Variants in FNDC3B observed in about 807,000 individuals in gnomAD.
The protein encoded by FNDC3B is fibronectin type III domain-containing protein 3B.
FNDC3B carries 12 observed loss-of-function variants against 151.5 expected under a neutral mutation model. That is an observed-to-expected ratio of 0.08 (90% CI 0.05 to 0.13). The LOEUF (loss-of-function observed/expected upper bound fraction) is 0.13. FNDC3B is among the 10% of genes least tolerant of loss of function. The probability of loss-of-function intolerance (pLI) is 1.00; values close to 1 mark genes in which losing one functional copy is unlikely to be tolerated. For synonymous variants in FNDC3B, 528 were observed against 549.0 expected (o/e 0.96, Z 0.54); for missense variants, 1,214 against 1,505.3 (o/e 0.81, Z 3.20).
intron 10 of FNDC3B, 26 bp from the exon 11 acceptor site, chr3:172,310,802 T>TTTTGTCTGTG: frequency 6.3e-7 from 1 of 1,576,144 alleles, no homozygotes. Context: ...CAACTTTCTC[T>TTTTGTCTGTG]AATCTCATGT....
intron 2 of FNDC3B, among the ~76,000 whole-genome samples, chr3:172,131,357 C>T (rs1721090324): frequency 6.6e-6 from 1 of 150,758 alleles, no homozygotes; most frequent in South Asian, 2.1e-4. Context: ...CGCGCCATTG[C>T]ACTCCATCCT....
rs528152021 is a variant in FNDC3B at position 172,335,349 on chromosome 3, T to C, written c.1780+267T>C. The stretch of plus-strand genomic sequence containing the variant: ...TTTTAAGAGTATCTCATTTACTCTA[T>C]GATTTTCCTGTTTACATATTTTTTT... On this transcript the variant is annotated intron_variant, in intron 15 of 25. Coordinates refer to ENST00000415807, the MANE Select transcript of FNDC3B (RefSeq NM_022763.4). 18 of 281,366 alleles carry C rather than the reference T, an allele frequency of 6.4e-5. No individual in the cohort carries two copies. In the East Asian group the frequency reaches 1.0e-3, roughly 16 times the overall value. 17.4% of individuals were successfully genotyped at this position (281,366 alleles called of 1,614,324 possible).
intron 3 of FNDC3B, among the ~76,000 whole-genome samples, chr3:172,168,264 G>C (rs911771533): frequency 6.6e-6 from 1 of 152,172 alleles, no homozygotes; most frequent in Non-Finnish European, 1.5e-5. Flanking sequence ...TGTAAGCCTG[G>C]TGGTCACATA....
chr3:172,281,873 C>G (rs745810013), intron 6 of FNDC3B, among the ~76,000 whole-genome samples: 2 of 151,724 alleles, frequency 1.3e-5, no homozygotes, highest in Non-Finnish European at 2.9e-5. Context: ...TTCTTTCCTT[C>G]ACAATATGGG....
intron 1 of FNDC3B, among the ~76,000 whole-genome samples, chr3:172,073,221 G>T (rs1357275969): frequency 6.6e-6 from 1 of 152,112 alleles, no homozygotes; most frequent in Non-Finnish European, 1.5e-5. Flanking sequence ...TTAAACACTG[G>T]GCCTGGAACT....
intron 21 of FNDC3B, among the ~76,000 whole-genome samples, chr3:172,347,844 G>A (rs1733685000): frequency 1.3e-5 from 2 of 152,212 alleles, no homozygotes; most frequent in South Asian, 4.1e-4. Context: ...TCCCAGTGAC[G>A]GTTATCAAGG....
intron 2 of FNDC3B, among the ~76,000 whole-genome samples, chr3:172,130,116 C>T (rs974758751): frequency 6.6e-6 from 1 of 152,072 alleles, no homozygotes; most frequent in Non-Finnish European, 1.5e-5. Context: ...GACCTTTTGC[C>T]GCCAGCTCAT....
rs1477841667 is a variant in FNDC3B at position 172,357,569 on chromosome 3, G to A, written c.2795+4486G>A. ...CATTAGTCCAATGTCACCTTTCACT[G>A]GAATTAGGAAATTATTTTCCCATAC... On this transcript the variant is annotated intron_variant, in intron 22 of 25. Coordinates refer to ENST00000415807, the MANE Select transcript of FNDC3B (RefSeq NM_022763.4). Among the ~76,000 whole-genome samples, 6 of 152,234 alleles carry A rather than the reference G, an allele frequency of 3.9e-5. No individual in the cohort carries two copies. In the East Asian group the frequency reaches 1.2e-3, roughly 29 times the overall value.
intron 3 of FNDC3B, among the ~76,000 whole-genome samples, chr3:172,211,006 T>C (rs997938322): frequency 6.6e-6 from 1 of 152,256 alleles, no homozygotes; most frequent in African/African-American, 2.4e-5. Context: ...AATGCTTTAC[T>C]ACTCTGCTGT....
chr3:172,047,084 T>C (rs778440466), intron 1 of FNDC3B: 1 of 152,162 alleles, frequency 6.6e-6, no homozygotes, highest in Non-Finnish European at 1.5e-5. Context: ...CTGGAAAGAG[T>C]AGTAAAGATT....
chr3:172,089,325 A>G (rs1336827753), intron 1 of FNDC3B, among the ~76,000 whole-genome samples: 2 of 152,150 alleles, frequency 1.3e-5, no homozygotes, highest in Non-Finnish European at 2.9e-5. Flanking sequence ...GGGGCAGGAT[A>G]TTTTACCATA....
chr3:172,202,492 C>A (rs1725208016), intron 3 of FNDC3B, among the ~76,000 whole-genome samples: 1 of 152,198 alleles, frequency 6.6e-6, no homozygotes, highest in South Asian at 2.1e-4. Context: ...CTCCCGTCCC[C>A]TGTTAGATAC....
At chr3:172,146,645 G>A (rs1254311682) in intron 3 of FNDC3B, among the ~76,000 whole-genome samples, 1 of 152,190 alleles carries the variant, frequency 6.6e-6, no homozygotes, top group African/African-American at 2.4e-5. Flanking sequence ...CAGTGTACAG[G>A]CTGTGTACCT....
intron 6 of FNDC3B, among the ~76,000 whole-genome samples, chr3:172,275,573 G>A (rs961632534): frequency 6.6e-6 from 1 of 152,174 alleles, no homozygotes; most frequent in Non-Finnish European, 1.5e-5. Context: ...GTGGATGTCT[G>A]TTCTATCATA....
intron 2 of FNDC3B, among the ~76,000 whole-genome samples, chr3:172,132,169 C>G (rs765836567): frequency 1.3e-5 from 2 of 151,954 alleles, no homozygotes; most frequent in African/African-American, 4.8e-5. Flanking sequence ...GATGAATAGA[C>G]GTTGGTTGAG....
At chr3:172,150,444 C>G (rs1331123754) in intron 3 of FNDC3B, among the ~76,000 whole-genome samples, 1 of 151,864 alleles carries the variant, frequency 6.6e-6, no homozygotes, top group Non-Finnish European at 1.5e-5. Context: ...CTCCCCATCC[C>G]CCATGCGTAC....
chr3:172,399,157 T>G lies in FNDC3B; in HGVS notation c.*1682T>G, dbSNP rs1367986748. ...CATTATTTTGTTTTTGGTTTATTTA[T>G]ACTATATTCTGCATACAGTACTTTA... On this transcript the variant is annotated 3_prime_UTR_variant, in exon 26 of 26. Coordinates refer to ENST00000415807, the MANE Select transcript of FNDC3B (RefSeq NM_022763.4). The G allele has an allele frequency of 6.5e-6, 1 of 152,694 alleles. No individual in the cohort carries two copies. The highest frequency in any genetic ancestry group is 1.9e-4 in the East Asian group (1 of 5,200). The allele number at this position is 152,694 out of a possible 1,614,324, so 9.5% of individuals were successfully genotyped here.
chr3:172,312,389 C>T (rs1161356376), intron 11 of FNDC3B, among the ~76,000 whole-genome samples: 1 of 152,160 alleles, frequency 6.6e-6, no homozygotes, highest in East Asian at 1.9e-4. Context: ...GAAAGTGAAA[C>T]CACCTCTCCA....
In FNDC3B at chr3:172,328,944, A is replaced by C. The variant is rs762319403; in HGVS notation, c.1255-8A>C. On this transcript the variant is annotated splice_polypyrimidine_tract_variant and splice_region_variant and intron_variant, in intron 11 of 25. Coordinates refer to ENST00000415807, the MANE Select transcript of FNDC3B (RefSeq NM_022763.4). ...AAGTATATGCATTGTTTCATTGTTT[A>C]CTTTTAGGGAAAAAGAAATAGTGGT... The C allele has an allele frequency of 1.3e-6, 2 of 1,578,304 alleles. No homozygotes were observed. The highest frequency in any genetic ancestry group is 1.7e-6 in the Non-Finnish European group (2 of 1,159,534).
Sources: gnomAD v4.1 joint callset for allele counts (sites outside exome capture counted in the v4.1 genomes callset) on GRCh38, gnomAD v4.1.1 for gene constraint, MANE v1.5 for transcripts, NCBI Gene and HGNC (gene_info 2026-07-23, HGNC 2026-07-21) for gene names.